Variants in GRM7 observed in about 807,000 individuals in gnomAD.
GRM7 encodes the protein glutamate metabotropic receptor 7.
In GRM7, 35 loss-of-function variants were observed where a neutral mutation model predicts 84.5. That is an observed-to-expected ratio of 0.41 (90% CI 0.32 to 0.55). The LOEUF (loss-of-function observed/expected upper bound fraction) is 0.55. GRM7 is among the 20% of genes least tolerant of loss of function. The pLI, the probability that GRM7 is intolerant of heterozygous loss-of-function variation, is 0.19. For synonymous variants in GRM7, 487 were observed against 455.1 expected (o/e 1.07, Z -0.89); for missense variants, 1,003 against 1,194.6 (o/e 0.84, Z 2.36).
chr3:7,275,628 TAGGTGAGGTA>T (rs1699023866), intron 2 of GRM7, among the ~76,000 whole-genome samples: 1 of 152,104 alleles, frequency 6.6e-6, no homozygotes, highest in Non-Finnish European at 1.5e-5. Flanking sequence ...CTTCCCCAAC[TAGGTGAGGTA>T]GGTTCTAATA....
At chr3:6,917,411 AATG>A (rs1434032212) in intron 1 of GRM7, among the ~76,000 whole-genome samples, 2 of 152,186 alleles carry the variant, frequency 1.3e-5, no homozygotes, top group African/African-American at 4.8e-5. Flanking sequence ...AAGAGGCAAA[AATG>A]ATGATGCAAA....
intron 2 of GRM7, among the ~76,000 whole-genome samples, chr3:7,196,657 G>A (rs1033462230): frequency 1.3e-5 from 2 of 152,106 alleles, no homozygotes; most frequent in Non-Finnish European, 2.9e-5. Flanking sequence ...TTTCTTTAGT[G>A]AAGATGTTCC....
intron 7 of GRM7, among the ~76,000 whole-genome samples, chr3:7,509,578 A>T (rs759698250): frequency 6.6e-6 from 1 of 152,228 alleles, no homozygotes; most frequent in South Asian, 2.1e-4. Flanking sequence ...CTGATAAGCC[A>T]CTTCATAGTG....
At chr3:7,197,158 T>C (rs565037744) in intron 2 of GRM7, among the ~76,000 whole-genome samples, 21 of 152,150 alleles carry the variant, frequency 1.4e-4, no homozygotes, top group Non-Finnish European at 2.4e-4. Flanking sequence ...TCTGGTGACA[T>C]TGATGCTTTT....
chr3:7,361,519 C>T (rs1575219636), intron 4 of GRM7, among the ~76,000 whole-genome samples: 1 of 152,196 alleles, frequency 6.6e-6, no homozygotes, highest in East Asian at 1.9e-4. Context: ...ACAGTTCTTG[C>T]TAAGACTCAC....
At chr3:7,573,224 A>G (rs1362732445) in intron 7 of GRM7, among the ~76,000 whole-genome samples, 1 of 151,626 alleles carries the variant, frequency 6.6e-6, no homozygotes, top group Non-Finnish European at 1.5e-5. Context: ...ATTAGATAGG[A>G]CAAATGTATT....
intron 7 of GRM7, among the ~76,000 whole-genome samples, chr3:7,515,784 A>G (rs1700354683): frequency 6.6e-6 from 1 of 152,090 alleles, no homozygotes; most frequent in Non-Finnish European, 1.5e-5. Context: ...TTACTAAACT[A>G]GGGCCAAGTG....
intron 7 of GRM7, among the ~76,000 whole-genome samples, chr3:7,526,041 T>C (rs1444705037): frequency 1.3e-5 from 2 of 152,192 alleles, no homozygotes; most frequent in African/African-American, 2.4e-5. Context: ...TAGCATGATT[T>C]ATTTTTCTTT....
chr3:7,182,894 G>GCGT (rs1695386304), intron 2 of GRM7, among the ~76,000 whole-genome samples: 1 of 97,160 alleles, frequency 1.0e-5, no homozygotes, highest in Non-Finnish European at 2.3e-5. Flanking sequence ...TAACGTGAAA[G>GCGT]TGTTTTTTTT....
chr3:6,878,236 C>A (rs1695384181), intron 1 of GRM7, among the ~76,000 whole-genome samples: 1 of 151,890 alleles, frequency 6.6e-6, no homozygotes, highest in Non-Finnish European at 1.5e-5. Context: ...TGTTGCTGTC[C>A]TTCTGATTGA....
At chr3:7,717,819 G>A (rs1701817557) in intron 9 of GRM7, among the ~76,000 whole-genome samples, 3 of 152,152 alleles carry the variant, frequency 2.0e-5, no homozygotes, top group Admixed American at 1.3e-4. Flanking sequence ...GCTTACTATG[G>A]ACAAACTCTG....
intron 1 of GRM7, among the ~76,000 whole-genome samples, chr3:7,103,816 T>C (rs781145795): frequency 0.011 from 967 of 88,978 alleles, 45 homozygotes; most frequent in African/African-American, 0.033. Context: ...CTTTCTTTCT[T>C]TCTCTCTCTC....
intron 1 of GRM7, among the ~76,000 whole-genome samples, chr3:6,984,170 A>G (rs1020995113): frequency 1.8e-4 from 28 of 152,348 alleles, no homozygotes; most frequent in Admixed American, 1.3e-3. Flanking sequence ...GCTAAAATAC[A>G]CAGAAACTTA....
chr3:7,329,590 C>T (rs1246064199), intron 4 of GRM7, among the ~76,000 whole-genome samples: 1 of 151,898 alleles, frequency 6.6e-6, no homozygotes. Context: ...GATATGTGTA[C>T]TATAAAAAAG....
chr3:7,702,370 T>C (rs1211473041), intron 9 of GRM7, among the ~76,000 whole-genome samples: 2 of 152,216 alleles, frequency 1.3e-5, no homozygotes, highest in Non-Finnish European at 2.9e-5. Flanking sequence ...CTGGATAATG[T>C]AGATTTAAAG....
intron 1 of GRM7, among the ~76,000 whole-genome samples, chr3:6,935,329 A>G (rs1219764327): frequency 6.6e-6 from 1 of 151,926 alleles, no homozygotes; most frequent in Non-Finnish European, 1.5e-5. Flanking sequence ...ATGAAAATTC[A>G]GTTTATTGTA....
intron 2 of GRM7, among the ~76,000 whole-genome samples, chr3:7,267,672 T>C (rs1698694553): frequency 6.6e-6 from 1 of 152,200 alleles, no homozygotes; most frequent in South Asian, 2.1e-4. Context: ...CGAATCCATC[T>C]TTCCCACTGA....
At chr3:7,326,194 A>G (rs544037611) in intron 4 of GRM7, among the ~76,000 whole-genome samples, 1 of 151,900 alleles carries the variant, frequency 6.6e-6, no homozygotes, top group Non-Finnish European at 1.5e-5. Context: ...AAAAAAACAC[A>G]TTATTTTGAG....
chr3:7,017,887 A>T (rs1695633187), intron 1 of GRM7, among the ~76,000 whole-genome samples: 1 of 152,210 alleles, frequency 6.6e-6, no homozygotes. Flanking sequence ...GAGACATATA[A>T]TCACCTCTTA....
Sources: gnomAD v4.1 joint callset for allele counts (sites outside exome capture counted in the v4.1 genomes callset) on GRCh38, gnomAD v4.1.1 for gene constraint, MANE v1.5 for transcripts, NCBI Gene and HGNC (gene_info 2026-07-23, HGNC 2026-07-21) for gene names.